The following RFX7 variants were observed in gnomAD, a reference collection of about 807,000 sequenced individuals.
RFX7 encodes the protein regulatory factor X7, also known as DNA-binding protein RFX7.
RFX7 carries 26 observed loss-of-function variants against 111.8 expected under a neutral mutation model. The observed-to-expected ratio is 0.23, with a 90% CI of 0.17 to 0.32. The LOEUF is 0.32. Among genes scored for constraint, RFX7 ranks in the 10% least tolerant of loss-of-function variants. The pLI is 1.00. For missense variants in RFX7, 1,573 were observed against 1,772.9 expected (o/e 0.89, Z 2.02); for synonymous variants, 624 against 624.4 (o/e 1.00, Z 0.01).
intron 2 of RFX7, among the ~76,000 whole-genome samples, chr15:56,242,224 A>T (rs772647411): frequency 2.6e-5 from 4 of 152,200 alleles, no homozygotes; most frequent in Non-Finnish European, 5.9e-5. Flanking sequence ...ATTACTTTCC[A>T]TTTAAAAAAT....
intron 5 of RFX7, among the ~76,000 whole-genome samples, chr15:56,109,299 C>T (rs1364489642): frequency 6.6e-5 from 10 of 152,256 alleles, no homozygotes; most frequent in Non-Finnish European, 8.8e-5. Context: ...CCGCCAGCCT[C>T]GGCCTCCCGA....
At chr15:56,182,142 C>T (rs2042981435) in intron 2 of RFX7, among the ~76,000 whole-genome samples, 1 of 152,026 alleles carries the variant, frequency 6.6e-6, no homozygotes, top group Non-Finnish European at 1.5e-5. Flanking sequence ...TTATATATTA[C>T]AATGTAATAA....
At chr15:56,125,804 C>T (rs1209732583) in intron 5 of RFX7, among the ~76,000 whole-genome samples, 2 of 152,126 alleles carry the variant, frequency 1.3e-5, no homozygotes, top group Non-Finnish European at 2.9e-5. Context: ...ATACAAATCC[C>T]AGTATATGTC....
chr15:56,237,254 T>A (rs2043633770), intron 2 of RFX7, among the ~76,000 whole-genome samples: 1 of 152,154 alleles, frequency 6.6e-6, no homozygotes, highest in Admixed American at 6.5e-5. Context: ...TCACTTCTTT[T>A]CCTGGTCCCC....
At chr15:56,190,753 C>T (rs2043091883) in intron 2 of RFX7, among the ~76,000 whole-genome samples, 1 of 152,158 alleles carries the variant, frequency 6.6e-6, no homozygotes, top group African/African-American at 2.4e-5. Context: ...TTTTGTGCCC[C>T]ACTCTTAAAC....
intron 2 of RFX7, among the ~76,000 whole-genome samples, chr15:56,226,906 C>T (rs888320156): frequency 1.3e-5 from 2 of 152,094 alleles, no homozygotes; most frequent in Admixed American, 1.3e-4. Flanking sequence ...AGTGGCCAAC[C>T]ATCAAAGAAC....
At chr15:56,158,549 G>C (rs2042682204) in intron 3 of RFX7, among the ~76,000 whole-genome samples, 1 of 152,052 alleles carries the variant, frequency 6.6e-6, no homozygotes. Context: ...CCAGGCTGGA[G>C]GGCAGTGGTA....
chr15:56,180,762 A>G (rs1481368725), intron 2 of RFX7, among the ~76,000 whole-genome samples: 5 of 151,024 alleles, frequency 3.3e-5, no homozygotes, highest in African/African-American at 1.2e-4. Flanking sequence ...AAAAAAAAAA[A>G]AAAAAAAAGC....
At chr15:56,133,392 G>A (rs1005113888) in intron 5 of RFX7, among the ~76,000 whole-genome samples, 1 of 151,974 alleles carries the variant, frequency 6.6e-6, no homozygotes, top group Non-Finnish European at 1.5e-5. Context: ...GACTATTAAA[G>A]GGATTTTGAC....
chr15:56,214,684 C>A (rs190146558), intron 2 of RFX7, among the ~76,000 whole-genome samples: 2 of 147,624 alleles, frequency 1.4e-5, no homozygotes, highest in African/African-American at 5.0e-5. Flanking sequence ...CACTGCACTC[C>A]GGCCTGGGCA....
chr15:56,175,197 C>T (rs997881316), intron 3 of RFX7, among the ~76,000 whole-genome samples: 2 of 152,024 alleles, frequency 1.3e-5, no homozygotes, highest in African/African-American at 2.4e-5. Flanking sequence ...TACTCAGTAG[C>T]ATCTAAAAAC....
intron 5 of RFX7, among the ~76,000 whole-genome samples, chr15:56,131,537 G>A (rs201908132): frequency 1.8e-4 from 21 of 115,830 alleles, no homozygotes; most frequent in Non-Finnish European, 3.6e-4. Context: ...GGGATTACAG[G>A]CATGAGACAC....
At chr15:56,239,567 T>C (rs918330196) in intron 2 of RFX7, among the ~76,000 whole-genome samples, 4 of 152,170 alleles carry the variant, frequency 2.6e-5, no homozygotes, top group Non-Finnish European at 4.4e-5. Context: ...GCGCCTGGCC[T>C]ATACAATATT....
chr15:56,147,077 G>A (rs1297196286), intron 3 of RFX7, among the ~76,000 whole-genome samples: 4 of 152,094 alleles, frequency 2.6e-5, no homozygotes, highest in Non-Finnish European at 5.9e-5. Context: ...TATTTGATAT[G>A]CTTTATGACA....
intron 5 of RFX7, among the ~76,000 whole-genome samples, chr15:56,118,161 C>A (rs1386428568): frequency 1.3e-5 from 2 of 152,068 alleles, no homozygotes; most frequent in Non-Finnish European, 2.9e-5. Context: ...TATCCATCAC[C>A]TCGAGCATTT....
At chr15:56,123,705 T>C (rs1179683587) in intron 5 of RFX7, among the ~76,000 whole-genome samples, 1 of 152,226 alleles carries the variant, frequency 6.6e-6, no homozygotes, top group Non-Finnish European at 1.5e-5. Context: ...CAGAGCACTT[T>C]AGCCTGCAGT....
rs142015950 is a variant in RFX7 at position 56,130,714 on chromosome 15, T to C, written c.401+12064A>G. On this transcript the variant is annotated intron_variant, in intron 5 of 9. Transcript: ENST00000559447. ...GAAAAAAAGACAAGAAAATAAAACATATCAGATTTTACTTGTCTAAAAAAG... is the reference window on the plus strand; with the variant it reads ...GAAAAAAAGACAAGAAAATAAAACACATCAGATTTTACTTGTCTAAAAAAG... Among the ~76,000 whole-genome samples, 205 of 151,534 alleles carry C rather than the reference T, an allele frequency of 1.4e-3. 1 individual carries two copies. Among genetic ancestry groups the C allele is most frequent in the African/African-American group, 4.7e-3 (193 of 41,372 alleles).
At chr15:56,130,150 T>C (rs1170710643) in intron 5 of RFX7, among the ~76,000 whole-genome samples, 8 of 152,152 alleles carry the variant, frequency 5.3e-5, no homozygotes, top group African/African-American at 1.2e-4. Flanking sequence ...ATTTACTCAG[T>C]TGAAGATGAG....
intron 3 of RFX7, among the ~76,000 whole-genome samples, chr15:56,153,458 A>T (rs1401939432): frequency 1.3e-5 from 2 of 152,162 alleles, no homozygotes; most frequent in Non-Finnish European, 2.9e-5. Flanking sequence ...CCACATAAAC[A>T]ACAAACGTAA....
Sources: allele counts gnomAD v4.1 joint callset (sites outside exome capture counted in the v4.1 genomes callset), GRCh38; gene constraint gnomAD v4.1.1; transcripts MANE v1.5; gene names NCBI Gene and HGNC (gene_info 2026-07-23, HGNC 2026-07-21).